Variants in DCC observed in about 807,000 individuals in gnomAD.
The protein encoded by DCC is DCC netrin 1 receptor.
In DCC, 58 loss-of-function variants were observed where a neutral mutation model predicts 172.5. That is an observed-to-expected ratio of 0.34 (90% CI 0.27 to 0.42). DCC has a LOEUF of 0.42. Among genes scored for constraint, DCC ranks in the 10% least tolerant of loss-of-function variants. DCC has a pLI of 1.00. For missense variants in DCC, 1,740 were observed against 1,791.0 expected (o/e 0.97, Z 0.51); for synonymous variants, 709 against 644.5 (o/e 1.10, Z -1.52).
At chr18:53,121,486 A>G (rs563361726) in intron 7 of DCC, among the ~76,000 whole-genome samples, 1 of 151,918 alleles carries the variant, frequency 6.6e-6, no homozygotes, top group East Asian at 2.0e-4. Flanking sequence ...TCTATCTCAG[A>G]TATATTACGT....
chr18:52,760,304 A>G (rs996869744), intron 2 of DCC, among the ~76,000 whole-genome samples: 9 of 152,222 alleles, frequency 5.9e-5, no homozygotes, highest in African/African-American at 1.2e-4. Flanking sequence ...TCATGAGAAC[A>G]GCATTGGGGA....
At chr18:52,396,938 C>A (rs1986252886) in intron 1 of DCC, among the ~76,000 whole-genome samples, 1 of 151,970 alleles carries the variant, frequency 6.6e-6, no homozygotes, top group Admixed American at 6.6e-5. Context: ...ATGCTTAGAG[C>A]AATACCAAGC....
intron 5 of DCC, among the ~76,000 whole-genome samples, chr18:53,055,069 G>A (rs572734076): frequency 1.3e-5 from 2 of 152,092 alleles, no homozygotes; most frequent in Admixed American, 6.6e-5. Flanking sequence ...GATTGCCAAG[G>A]GATTTGCCGT....
At chr18:52,925,099 A>T in intron 4 of DCC, 135 bp from the exon 5 acceptor site, 1 of 866,038 alleles carries the variant, frequency 1.2e-6, no homozygotes, top group Non-Finnish European at 1.9e-6. Context: ...GTGAGACTTT[A>T]ATCAAGCCCT....
chr18:52,775,224 C>T (rs894291917), intron 2 of DCC, among the ~76,000 whole-genome samples: 2 of 151,872 alleles, frequency 1.3e-5, no homozygotes, highest in Admixed American at 1.3e-4. Flanking sequence ...TGCCTCACTG[C>T]TCATGCTTCT....
intron 1 of DCC, among the ~76,000 whole-genome samples, chr18:52,512,341 C>T (rs931631946): frequency 1.3e-5 from 2 of 152,100 alleles, no homozygotes; most frequent in African/African-American, 4.8e-5. Flanking sequence ...CAAATTTGGC[C>T]ATTACTTTAT....
chr18:52,784,247 C>T lies in DCC; in HGVS notation c.412+31873C>T, dbSNP rs75070255. On this transcript the variant is annotated intron_variant, in intron 2 of 28. Coordinates refer to ENST00000442544, the MANE Select transcript of DCC (RefSeq NM_005215.4). ...TCCATTTCTGTGTTGCTGCAAATAACAGAATTTCTTTTTTATAGTGAATGA... is the reference window on the plus strand; with the variant it reads ...TCCATTTCTGTGTTGCTGCAAATAATAGAATTTCTTTTTTATAGTGAATGA... Among the ~76,000 whole-genome samples, 236 of 151,070 alleles carry T rather than the reference C, an allele frequency of 1.6e-3. No individual in the cohort carries two copies. In the East Asian group the frequency reaches 0.021, roughly 13 times the overall value.
intron 2 of DCC, among the ~76,000 whole-genome samples, chr18:52,896,386 T>C (rs2145430196): frequency 6.6e-6 from 1 of 152,302 alleles, no homozygotes; most frequent in East Asian, 1.9e-4. Context: ...TACTCACAGT[T>C]AAGCGACCTC....
chr18:53,493,224 G>T (rs1006781460), intron 26 of DCC, among the ~76,000 whole-genome samples: 1 of 152,152 alleles, frequency 6.6e-6, no homozygotes, highest in African/African-American at 2.4e-5. Flanking sequence ...GAGATTTAGG[G>T]CTGAGATGAT....
At chr18:52,575,629 C>T (rs1023659645) in intron 1 of DCC, among the ~76,000 whole-genome samples, 8 of 152,064 alleles carry the variant, frequency 5.3e-5, no homozygotes, top group African/African-American at 1.2e-4. Context: ...GTAGAAAAAT[C>T]GCACTCATAG....
rs572285566 is a variant in DCC at position 52,998,960 on chromosome 18, G to A, written c.986-64345G>A. Among the ~76,000 whole-genome samples the A allele has an allele frequency of 3.1e-4, 47 of 152,068 alleles. 1 individual carries two copies. The highest frequency in any genetic ancestry group is 5.8e-4 in the East Asian group (3 of 5,172). On this transcript the variant is annotated intron_variant, in intron 5 of 28. Coordinates refer to ENST00000442544, the MANE Select transcript of DCC (RefSeq NM_005215.4). The stretch of plus-strand genomic sequence containing the variant: ...AAACAATGTCATATCAGATTTTGGC[G>A]TCATTGACTAAAAGGGAGTGTGGAC...
At chr18:53,422,423 C>T (rs1910685412) in intron 21 of DCC, among the ~76,000 whole-genome samples, 1 of 152,036 alleles carries the variant, frequency 6.6e-6, no homozygotes, top group African/African-American at 2.4e-5. Flanking sequence ...GTGATTAGGC[C>T]CAGATACATA....
chr18:53,124,450 C>A (rs1598825769), intron 7 of DCC, among the ~76,000 whole-genome samples: 1 of 151,932 alleles, frequency 6.6e-6, no homozygotes, highest in East Asian at 1.9e-4. Context: ...TTGTTAAATC[C>A]ACAACATTGT....
intron 2 of DCC, among the ~76,000 whole-genome samples, chr18:52,797,270 G>T (rs1214179858): frequency 1.3e-5 from 2 of 152,052 alleles, no homozygotes; most frequent in Non-Finnish European, 2.9e-5. Context: ...CTGTTTTGGG[G>T]ATCTGTTATT....
At chr18:53,063,533 T>A in intron 6 of DCC, 74 bp downstream of exon 6, 2 of 1,260,438 alleles carry the variant, frequency 1.6e-6, no homozygotes, top group Non-Finnish European at 1.1e-6. Context: ...TTTTTATTTC[T>A]TGAAAAAAAA....
chr18:52,775,462 C>T (rs9954366), intron 2 of DCC, among the ~76,000 whole-genome samples: 13,252 of 152,228 alleles, frequency 0.087, 667 homozygotes, highest in South Asian at 0.18. Flanking sequence ...CTGGAATAAT[C>T]AGATCACACG....
At chr18:52,935,852 T>A (rs978092368) in intron 5 of DCC, among the ~76,000 whole-genome samples, 3 of 152,156 alleles carry the variant, frequency 2.0e-5, no homozygotes, top group Non-Finnish European at 4.4e-5. Context: ...TGAATGGAGT[T>A]CTTTTGAATT....
chr18:52,987,802 T>A (rs1046130607), intron 5 of DCC, among the ~76,000 whole-genome samples: 17 of 152,346 alleles, frequency 1.1e-4, no homozygotes, highest in Admixed American at 1.1e-3. Flanking sequence ...TTCTCTGGCT[T>A]ACCACACTGT....
intron 2 of DCC, among the ~76,000 whole-genome samples, chr18:52,888,146 C>T (rs1411595822): frequency 2.6e-5 from 4 of 152,194 alleles, no homozygotes; most frequent in Admixed American, 1.3e-4. Context: ...AGCATGCCCT[C>T]CCCTGTTGTG....
Sources: gnomAD v4.1 joint callset for allele counts (sites outside exome capture counted in the v4.1 genomes callset) on GRCh38, gnomAD v4.1.1 for gene constraint, MANE v1.5 for transcripts, NCBI Gene and HGNC (gene_info 2026-07-23, HGNC 2026-07-21) for gene names.